KCNIP4: variants seen among roughly 807,000 people sequenced by gnomAD.
The protein encoded by KCNIP4 is potassium voltage-gated channel interacting protein 4.
KCNIP4 carries 12 observed loss-of-function variants against 34.0 expected under a neutral mutation model. The ratio of observed to expected loss-of-function variants is 0.35; its 90% CI spans 0.23 to 0.57. The LOEUF is 0.57. Among genes scored for constraint, KCNIP4 ranks in the 20% least tolerant of loss-of-function variants. KCNIP4 has a pLI of 0.83. For synonymous variants in KCNIP4, 124 were observed against 102.2 expected (o/e 1.21, Z -1.29); for missense variants, 238 against 311.7 (o/e 0.76, Z 1.78).
intron 1 of KCNIP4, among the ~76,000 whole-genome samples, chr4:21,025,546 T>TG (rs1410316612): frequency 5.0e-5 from 3 of 59,630 alleles, no homozygotes; most frequent in Non-Finnish European, 1.0e-4. Flanking sequence ...TGATACTGTT[T>TG]TTTTTTTTTT....
At chr4:20,915,622 A>G (rs945082279) in intron 1 of KCNIP4, among the ~76,000 whole-genome samples, 2 of 152,142 alleles carry the variant, frequency 1.3e-5, no homozygotes, top group African/African-American at 2.4e-5. Flanking sequence ...TCTTTCTTCA[A>G]TCAAGGGTTT....
chr4:21,399,087 C>T (rs1259271743), intron 1 of KCNIP4, among the ~76,000 whole-genome samples: 1 of 152,174 alleles, frequency 6.6e-6, no homozygotes, highest in Admixed American at 6.6e-5. Flanking sequence ...ACATAGCATC[C>T]ATCTTTCCTT....
chr4:21,329,950 A>T (rs1715462700), intron 1 of KCNIP4, among the ~76,000 whole-genome samples: 1 of 152,180 alleles, frequency 6.6e-6, no homozygotes, highest in Non-Finnish European at 1.5e-5. Context: ...GGCCTCCTTA[A>T]GTAGAATCTT....
intron 1 of KCNIP4, among the ~76,000 whole-genome samples, chr4:21,138,962 A>G (rs928102306): frequency 2.0e-5 from 3 of 152,210 alleles, no homozygotes; most frequent in African/African-American, 4.8e-5. Flanking sequence ...AGTCATTCAG[A>G]CTTCTGACCT....
intron 1 of KCNIP4, among the ~76,000 whole-genome samples, chr4:21,523,646 A>G (rs1735728263): frequency 6.6e-6 from 1 of 151,958 alleles, no homozygotes; most frequent in African/African-American, 2.4e-5. Flanking sequence ...ATCATAGCCC[A>G]CTGACACCTC....
intron 1 of KCNIP4, among the ~76,000 whole-genome samples, chr4:21,791,128 G>A (rs1485380690): frequency 6.6e-6 from 1 of 152,154 alleles, no homozygotes; most frequent in Non-Finnish European, 1.5e-5. Context: ...AGATCTGGAA[G>A]CTGGAAGTCT....
chr4:21,946,084 G>C (rs965481388), intron 1 of KCNIP4, among the ~76,000 whole-genome samples: 1 of 150,868 alleles, frequency 6.6e-6, no homozygotes, highest in East Asian at 1.9e-4. Flanking sequence ...TAAAGTTTCA[G>C]AATTGCAACT....
intron 1 of KCNIP4, among the ~76,000 whole-genome samples, chr4:20,912,780 G>T (rs1027222408): frequency 6.6e-6 from 1 of 152,070 alleles, no homozygotes; most frequent in Non-Finnish European, 1.5e-5. Context: ...CACCTGTAAG[G>T]ATGCTCAAAA....
At chr4:21,819,785 A>G (rs1306417298) in intron 1 of KCNIP4, among the ~76,000 whole-genome samples, 5 of 152,120 alleles carry the variant, frequency 3.3e-5, no homozygotes, top group Non-Finnish European at 5.9e-5. Context: ...AAACTATCAA[A>G]TTTATCCTTC....
At chr4:20,828,015 T>A (rs1339281771) in intron 3 of KCNIP4, among the ~76,000 whole-genome samples, 1 of 152,166 alleles carries the variant, frequency 6.6e-6, no homozygotes, top group African/African-American at 2.4e-5. Context: ...GGATATCTAT[T>A]TTTCTCTCAT....
chr4:21,141,015 T>C (rs756180977), intron 1 of KCNIP4, among the ~76,000 whole-genome samples: 2 of 152,204 alleles, frequency 1.3e-5, no homozygotes, highest in Non-Finnish European at 2.9e-5. Context: ...TGTGAGTTTG[T>C]TTCTAGACCC....
At chr4:21,039,336 C>T (rs1741742886) in intron 1 of KCNIP4, among the ~76,000 whole-genome samples, 1 of 150,728 alleles carries the variant, frequency 6.6e-6, no homozygotes, top group South Asian at 2.1e-4. Context: ...TGCCACTGCA[C>T]TCCAGCCTGG....
chr4:21,355,954 A>G (rs1057208653), intron 1 of KCNIP4, among the ~76,000 whole-genome samples: 1 of 152,178 alleles, frequency 6.6e-6, no homozygotes, highest in Non-Finnish European at 1.5e-5. Flanking sequence ...CTTATCCACC[A>G]TGATCAAGTG....
At chr4:21,491,639 C>T (rs1262527750) in intron 1 of KCNIP4, among the ~76,000 whole-genome samples, 5 of 152,116 alleles carry the variant, frequency 3.3e-5, no homozygotes, top group Non-Finnish European at 5.9e-5. Context: ...TCCTAAAGTG[C>T]TGTGATTACA....
chr4:21,751,465 T>C (rs999817609), intron 1 of KCNIP4, among the ~76,000 whole-genome samples: 5 of 152,152 alleles, frequency 3.3e-5, no homozygotes, highest in Non-Finnish European at 5.9e-5. Flanking sequence ...AAAAGCATTA[T>C]GTCTAATATT....
chr4:21,079,294 G>A (rs1745796875), intron 1 of KCNIP4, among the ~76,000 whole-genome samples: 1 of 152,030 alleles, frequency 6.6e-6, no homozygotes, highest in South Asian at 2.1e-4. Flanking sequence ...TATGATGTAT[G>A]TTTTATATAC....
chr4:20,798,440 C>T (rs1324320731), intron 3 of KCNIP4, among the ~76,000 whole-genome samples: 1 of 152,020 alleles, frequency 6.6e-6, no homozygotes, highest in Non-Finnish European at 1.5e-5. Context: ...ATTGAAATTT[C>T]CTTGGAGTGA....
intron 1 of KCNIP4, among the ~76,000 whole-genome samples, chr4:21,333,250 G>C (rs997256573): frequency 6.6e-6 from 1 of 151,724 alleles, no homozygotes. Flanking sequence ...CCCTCCTAGA[G>C]TATAAATTTT....
At chr4:21,351,222 G>C (rs2109374607) in intron 1 of KCNIP4, among the ~76,000 whole-genome samples, 1 of 152,188 alleles carries the variant, frequency 6.6e-6, no homozygotes, top group South Asian at 2.1e-4. Flanking sequence ...TCTCTGATAT[G>C]GTTTGGCTGT....
Sources: gnomAD v4.1 joint callset for allele counts (sites outside exome capture counted in the v4.1 genomes callset) on GRCh38, gnomAD v4.1.1 for gene constraint, MANE v1.5 for transcripts, NCBI Gene and HGNC (gene_info 2026-07-23, HGNC 2026-07-21) for gene names.